REXO5: variants seen among roughly 807,000 people sequenced by gnomAD.
REXO5 encodes the protein exonuclease NEF-sp.
REXO5 carries 48 observed loss-of-function variants against 88.5 expected under a neutral mutation model. The observed-to-expected ratio is 0.54, with a 90% confidence interval of 0.43 to 0.69. The LOEUF (loss-of-function observed/expected upper bound fraction) is 0.69. REXO5 is among the 30% of genes least tolerant of loss of function. The pLI is 0.00. For synonymous variants in REXO5, 311 were observed against 336.5 expected, an observed-to-expected ratio of 0.92 and a Z score of 0.83; for missense variants, 749 against 912.2, an observed-to-expected ratio of 0.82 and a Z score of 2.30.
chr16:20,808,323 G>C (rs935676642), intron 2 of REXO5, among the ~76,000 whole-genome samples: 1 of 152,108 alleles, frequency 6.6e-6, no homozygotes, highest in Non-Finnish European at 1.5e-5. Context: ...TCGTTCATTG[G>C]GCTTTTTTGT....
intron 15 of REXO5, among the ~76,000 whole-genome samples, chr16:20,842,478 G>GTT (rs201370873): frequency 5.0e-4 from 66 of 133,068 alleles, no homozygotes; most frequent in Middle Eastern, 3.8e-3. Flanking sequence ...CCTTTGTTTT[G>GTT]TTTGTTTTTT....
intron 3 of REXO5, among the ~76,000 whole-genome samples, chr16:20,814,338 G>C (rs139978694): frequency 2.4e-3 from 371 of 152,272 alleles, no homozygotes; most frequent in Non-Finnish European, 3.9e-3. Context: ...CCAGGTTCAA[G>C]TGATCCTCTT....
Position 20,833,078 on chromosome 16 carries a change from A to G in REXO5, c.1338A>G (p.Pro446=). Residue 446 remains proline (P), a synonymous_variant, in exon 13 of 20, where the codon CCA becomes CCG. Transcript: ENST00000261377. ...GGGAGACAGATGCTGGTGAACTTCC[A>G]TCTTCCAGAAATTGTCAAACTATTA... The part of the protein sequence containing the change: ...LTRETDAGEL[P]SSRNCQTIKC... 1 of 1,613,734 alleles carries G rather than the reference A, an allele frequency of 6.2e-7. No homozygotes were observed. Among genetic ancestry groups the G allele is most frequent in the Non-Finnish European group, 8.5e-7 (1 of 1,179,690 alleles).
rs74727964 is a variant in REXO5, at chr16:20,836,534, A to G, written c.1384-3221A>G. Among the ~76,000 whole-genome samples, 1,473 of 152,344 alleles carry G rather than the reference A, an allele frequency of 9.7e-3. 15 individuals are homozygous for G. Among genetic ancestry groups the G allele is most frequent in the Middle Eastern group, 0.024 (7 of 294 alleles). On this transcript the variant is annotated intron_variant, in intron 13 of 19. Transcript: ENST00000261377. ...ACAATTTATCCATTCACCTGCTGATAGACATCTTGGCTGCTTCCAAGTTTT... is the reference window on the plus strand; with the variant it reads ...ACAATTTATCCATTCACCTGCTGATGGACATCTTGGCTGCTTCCAAGTTTT...
At position 20,837,233 on chromosome 16, in the gene REXO5, G is replaced by A. The variant is rs551700016; in HGVS notation, c.1384-2522G>A. Among the ~76,000 whole-genome samples the A allele has an allele frequency of 3.9e-5, 6 of 152,224 alleles. No individual in the cohort carries two copies. The South Asian group carries it at 1.2e-3, about 32-fold the overall frequency. ...CAATCTAATTTTCTTGGCCTTTTAA[G>A]TTACTTTTACTGAGGATTTATTTTT... is the stretch of plus-strand genomic sequence containing the variant. On this transcript the variant is annotated intron_variant, in intron 13 of 19. Coordinates refer to ENST00000261377, the MANE Select transcript of REXO5 (RefSeq NM_030941.3).
chr16:20,825,127 G>A (rs1035783125), intron 7 of REXO5, among the ~76,000 whole-genome samples: 1 of 152,140 alleles, frequency 6.6e-6, no homozygotes, highest in Non-Finnish European at 1.5e-5. Context: ...TGAGGACTTT[G>A]CCTTAATTGT....
chr16:20,836,732 T>G (rs1384398438), intron 13 of REXO5, among the ~76,000 whole-genome samples: 4 of 152,268 alleles, frequency 2.6e-5, no homozygotes, highest in African/African-American at 9.6e-5. Flanking sequence ...GATTTTGCAT[T>G]CCCACCAGCA....
At chr16:20,833,505 A>C in intron 13 of REXO5, among the ~76,000 whole-genome samples, 1 of 152,206 alleles carries the variant, frequency 6.6e-6, no homozygotes, top group Non-Finnish European at 1.5e-5. Context: ...TGAGCTTATT[A>C]TGTTATCATA....
chr16:20,830,529 G>C (rs1452530761), intron 11 of REXO5, among the ~76,000 whole-genome samples: 1 of 151,936 alleles, frequency 6.6e-6, no homozygotes, highest in Non-Finnish European at 1.5e-5. Context: ...TTATTACTTT[G>C]CAACAAGTAA....
chr16:20,849,575 C>T lies in REXO5; in HGVS notation c.*95C>T, dbSNP rs6654. On this transcript the variant is annotated 3_prime_UTR_variant, in exon 20 of 20. Coordinates refer to ENST00000261377, the MANE Select transcript of REXO5 (RefSeq NM_030941.3). ...TGTAGCCTCCCCAACCAGCAGACAG[C>T]TTTATGGAAACTTGGTATAGCAGCT... 0.51 allele frequency: 555,853 copies of T among 1,079,676 alleles called. 154,522 individuals carry two copies. Among genetic ancestry groups the T allele is most frequent in the Non-Finnish European group, 0.59 (416,422 of 707,186 alleles). 66.9% of individuals were successfully genotyped at this position (1,079,676 alleles called of 1,614,324 possible).
At chr16:20,848,533 A>G (rs1252672200) in intron 19 of REXO5, among the ~76,000 whole-genome samples, 1 of 152,194 alleles carries the variant, frequency 6.6e-6, no homozygotes, top group Non-Finnish European at 1.5e-5. Flanking sequence ...CTGACTCCAG[A>G]GCAACTCTCC....
Position 20,821,768 on chromosome 16 carries a change from T to C in REXO5, c.482T>C (p.Leu161Ser). ...TCAATTGTTTTTCTTTCAGGGCCTT[T>C]ACCTTCTAATGCAAAAGCCGCCATC... is the stretch of plus-strand genomic sequence containing the variant. ...GDLPKTMEGP[L>S]PSNAKAAINL... The change falls in exon 6 of 20, where the codon TTA becomes TCA. Residue 161 changes from leucine (L) to serine (S), a missense_variant. Transcript: ENST00000261377. The C allele has an allele frequency of 6.3e-7, 1 of 1,580,594 alleles. No homozygotes were observed. Among genetic ancestry groups the C allele is most frequent in the Non-Finnish European group, 8.5e-7 (1 of 1,169,880 alleles).
chr16:20,843,970 GC>G lies in REXO5; in HGVS notation c.1666del (p.Gln556SerfsTer4). The G allele has an allele frequency of 6.2e-7, 1 of 1,608,638 alleles. No individual in the cohort carries two copies. The highest frequency in any genetic ancestry group is 8.5e-7 in the Non-Finnish European group (1 of 1,174,992). ...TATACAGTATGAAGTCCTAGAAGCT[GC>G]CCAGCTGGCCATAGAATCCTTGGAT... Reference protein sequence around the residue: ...LCIQYEVLEAAQLAIESLDGI... With the variant: ...LCIQYEVLEAXQLAIESLDGI... On this transcript the variant is annotated frameshift_variant, in exon 16 of 20. Coordinates refer to ENST00000261377, the MANE Select transcript of REXO5 (RefSeq NM_030941.3). LOFTEE classifies it high-confidence loss of function.
At chr16:20,842,162 G>A (rs938768141) in intron 15 of REXO5, among the ~76,000 whole-genome samples, 56 of 152,048 alleles carry the variant, frequency 3.7e-4, no homozygotes, top group African/African-American at 1.3e-3. Context: ...TCATCATCCC[G>A]AACTGAAATT....
Position 20,833,138 on chromosome 16 carries a change from G to C in REXO5, c.1383+15G>C, listed in dbSNP as rs202010371. 6.2e-7 allele frequency: 1 copy of C among 1,611,232 alleles called. No individual in the cohort carries two copies. The highest frequency in any genetic ancestry group is 8.5e-7 in the Non-Finnish European group (1 of 1,178,086). ...CAAATAAAGAGGTGAGTGGCCTGCT[G>C]AACCTTTGCAGGTTATATTCAAAGC... On this transcript the variant is annotated intron_variant, in intron 13 of 19. Coordinates refer to ENST00000261377, the MANE Select transcript of REXO5 (RefSeq NM_030941.3).
rs777356435 is a variant in REXO5 at position 20,846,217 on chromosome 16, C to T, written c.2125-4C>T. ...TGAGTATCGACACATGGCTTTGATC[C>T]CAGACTCTGAAACTGGACCACCCGA... On this transcript the variant is annotated splice_polypyrimidine_tract_variant and splice_region_variant and intron_variant, in intron 18 of 19. Transcript: ENST00000261377. 5 of 1,612,572 alleles carry T rather than the reference C, an allele frequency of 3.1e-6. No homozygotes were observed. The South Asian group carries it at 5.5e-5, about 18-fold the overall frequency.
At chr16:20,817,852 A>G (rs1467096400) in intron 5 of REXO5, among the ~76,000 whole-genome samples, 1 of 152,206 alleles carries the variant, frequency 6.6e-6, no homozygotes, top group African/African-American at 2.4e-5. Flanking sequence ...GATGCCCCAG[A>G]TTGCAGGCCT....
At chr16:20,840,272 T>C in intron 14 of REXO5, 59 bp from the exon 15 acceptor site, 1 of 1,394,424 alleles carries the variant, frequency 7.2e-7, no homozygotes, top group African/African-American at 1.4e-5. Context: ...CATTGACTCA[T>C]GATTTCAGTT....
Position 20,839,003 on chromosome 16 carries a change from T to C in REXO5, c.1384-752T>C, listed in dbSNP as rs77681234. ...GTTTCTCATGGAATCTCTACAGTTC[T>C]CTCAAAGGTGTTCTGGTCCGTATAT... is the stretch of plus-strand genomic sequence containing the variant. On this transcript the variant is annotated intron_variant, in intron 13 of 19. Transcript: ENST00000261377. Among the ~76,000 whole-genome samples, 51 of 152,344 alleles carry C rather than the reference T, an allele frequency of 3.3e-4. No homozygotes were observed. The East Asian group carries it at 9.6e-3, about 29-fold the overall frequency.
Sources: gnomAD v4.1 joint callset for allele counts (sites outside exome capture counted in the v4.1 genomes callset) on GRCh38, gnomAD v4.1.1 for gene constraint, MANE v1.5 for transcripts, NCBI Gene and HGNC (gene_info 2026-07-23, HGNC 2026-07-21) for gene names.